The following SH3RF3 variants were observed in gnomAD, a reference collection of about 807,000 sequenced individuals.
SH3RF3 encodes E3 ubiquitin-protein ligase SH3RF3.
Under a neutral mutation model 66.3 loss-of-function variants are expected in SH3RF3, and 29 were observed. The ratio of observed to expected loss-of-function variants is 0.44; its 90% CI spans 0.33 to 0.60. SH3RF3 has a LOEUF of 0.60. Among genes scored for constraint, SH3RF3 ranks in the 20% least tolerant of loss-of-function variants. The pLI is 0.04. For missense variants in SH3RF3, 1,194 were observed against 1,190.9 expected (o/e 1.00, Z -0.04); for synonymous variants, 583 against 532.0 (o/e 1.10, Z -1.32).
intron 9 of SH3RF3, among the ~76,000 whole-genome samples, chr2:109,494,252 G>A (rs1679199341): frequency 6.6e-6 from 1 of 152,198 alleles, no homozygotes; most frequent in Non-Finnish European, 1.5e-5. Context: ...CGTTCTCTGA[G>A]TGTTCCATCT....
Position 109,419,639 on chromosome 2 carries a change from A to G in SH3RF3, c.1400A>G (p.Asn467Ser), listed in dbSNP as rs372314629. ...GTPPKVQLPL[N>S]VYLALYAYKP... ...CCTCCCAAGGTCCAGCTGCCCCTCAACGTGTGAGCTGCCCTTTGTGTCTGT... is the reference window on the plus strand; with the variant it reads ...CCTCCCAAGGTCCAGCTGCCCCTCAGCGTGTGAGCTGCCCTTTGTGTCTGT... Residue 467 changes from asparagine to serine, a missense_variant, in exon 5 of 10, where the codon AAC becomes AGC. Asn to Ser is a conservative substitution (Grantham distance 46). Transcript: ENST00000309415. 2.5e-6 allele frequency: 4 copies of G among 1,574,630 alleles called. No individual in the cohort carries two copies. Among genetic ancestry groups the G allele is most frequent in the Non-Finnish European group, 3.4e-6 (4 of 1,161,936 alleles).
At chr2:109,427,784 C>A (rs574246459) in intron 5 of SH3RF3, among the ~76,000 whole-genome samples, 57 of 152,340 alleles carry the variant, frequency 3.7e-4, no homozygotes, top group South Asian at 1.2e-3. Flanking sequence ...ATCAGAAGGC[C>A]CCAGGGAGAA....
At chr2:109,490,248 G>C (rs1377836460) in intron 8 of SH3RF3, among the ~76,000 whole-genome samples, 1 of 152,208 alleles carries the variant, frequency 6.6e-6, no homozygotes, top group African/African-American at 2.4e-5. Context: ...TCAAAGCAAA[G>C]AGCAGGCATG....
At chr2:109,254,681 C>G (rs1347523799) in intron 1 of SH3RF3, among the ~76,000 whole-genome samples, 2 of 152,160 alleles carry the variant, frequency 1.3e-5, no homozygotes, top group East Asian at 3.9e-4. Context: ...AGCTGTACCC[C>G]CTAATGTTGG....
At chr2:109,371,495 C>A in intron 2 of SH3RF3, 91 bp from the exon 3 acceptor site, 2 of 1,019,816 alleles carry the variant, frequency 2.0e-6, no homozygotes, top group Non-Finnish European at 3.0e-6. Context: ...GAATCTCTTC[C>A]GAGCCTCCAC....
intron 1 of SH3RF3, among the ~76,000 whole-genome samples, chr2:109,152,781 C>G (rs890120452): frequency 6.6e-6 from 1 of 152,160 alleles, no homozygotes; most frequent in African/African-American, 2.4e-5. Context: ...CTCCCAGGCC[C>G]GATGGCCTGA....
intron 5 of SH3RF3, among the ~76,000 whole-genome samples, chr2:109,423,496 A>G (rs1245933848): frequency 6.6e-6 from 1 of 152,200 alleles, no homozygotes; most frequent in African/African-American, 2.4e-5. Context: ...CCATGCCAAC[A>G]CAAGACAGGG....
intron 1 of SH3RF3, among the ~76,000 whole-genome samples, chr2:109,185,878 G>T (rs1199721476): frequency 6.6e-6 from 1 of 152,210 alleles, no homozygotes; most frequent in Admixed American, 6.5e-5. Context: ...CTGTCAAAGG[G>T]GCCAAGTCGG....
At chr2:109,413,528 C>T (rs907795089) in intron 4 of SH3RF3, among the ~76,000 whole-genome samples, 3 of 152,204 alleles carry the variant, frequency 2.0e-5, no homozygotes, top group African/African-American at 7.2e-5. Flanking sequence ...CTACCTCTGT[C>T]TCTCTCTGTG....
chr2:109,376,728 G>A (rs543647124), intron 3 of SH3RF3, among the ~76,000 whole-genome samples: 4 of 152,338 alleles, frequency 2.6e-5, no homozygotes, highest in African/African-American at 7.2e-5. Flanking sequence ...TGTGTTGCTG[G>A]TGTGTGCGTG....
In SH3RF3 at chr2:109,212,314, G is replaced by A. The variant is rs115779130; in HGVS notation, c.573+82201G>A. Among the ~76,000 whole-genome samples, 599 of 152,340 alleles carry A rather than the reference G, an allele frequency of 3.9e-3. 5 individuals are homozygous for A. Among genetic ancestry groups the A allele is most frequent in the African/African-American group, 0.013 (539 of 41,570 alleles). ...TCAGTTGGCTCGCTATGGAGGAGGG[G>A]CAGTTTTCAATTAGAGTCTGACCAT... is the stretch of plus-strand genomic sequence containing the variant. On this transcript the variant is annotated intron_variant, in intron 1 of 9. Coordinates refer to ENST00000309415, the MANE Select transcript of SH3RF3 (RefSeq NM_001099289.3).
intron 1 of SH3RF3, among the ~76,000 whole-genome samples, chr2:109,212,703 A>G (rs1459969251): frequency 6.6e-6 from 1 of 152,096 alleles, no homozygotes; most frequent in East Asian, 1.9e-4. Flanking sequence ...TCACAGAACT[A>G]ATTGTTGTAT....
intron 2 of SH3RF3, among the ~76,000 whole-genome samples, chr2:109,359,494 C>T (rs1047762022): frequency 3.3e-5 from 5 of 152,254 alleles, no homozygotes; most frequent in African/African-American, 2.4e-5. Flanking sequence ...TATTTTGTTA[C>T]ACTTATACTT....
intron 3 of SH3RF3, among the ~76,000 whole-genome samples, chr2:109,386,766 G>A (rs931989427): frequency 6.6e-6 from 1 of 152,180 alleles, no homozygotes; most frequent in African/African-American, 2.4e-5. Flanking sequence ...CAAGGAAGAG[G>A]AAACCTTTGC....
chr2:109,370,199 CTCTG>C (rs1394368286), intron 2 of SH3RF3, among the ~76,000 whole-genome samples: 36 of 144,812 alleles, frequency 2.5e-4, no homozygotes, highest in Admixed American at 4.7e-4. Context: ...TGGTCTCTGT[CTCTG>C]TCTCTGTCTC....
intron 1 of SH3RF3, among the ~76,000 whole-genome samples, chr2:109,212,999 G>A (rs1361728320): frequency 1.3e-5 from 2 of 152,222 alleles, no homozygotes; most frequent in Non-Finnish European, 2.9e-5. Context: ...TGTGCTGAGC[G>A]GTGTGCAGGT....
At chr2:109,290,970 G>A (rs1681154187) in intron 1 of SH3RF3, among the ~76,000 whole-genome samples, 1 of 152,258 alleles carries the variant, frequency 6.6e-6, no homozygotes. Flanking sequence ...AATATGCCGG[G>A]TACATAGTAG....
chr2:109,420,846 C>T (rs1303386088), intron 5 of SH3RF3, among the ~76,000 whole-genome samples: 1 of 152,242 alleles, frequency 6.6e-6, no homozygotes, highest in Non-Finnish European at 1.5e-5. Flanking sequence ...TCACCCACCT[C>T]TAAGCCCAGT....
chr2:109,450,793 CTG>C (rs1166940964), intron 8 of SH3RF3, among the ~76,000 whole-genome samples: 11 of 152,344 alleles, frequency 7.2e-5, no homozygotes, highest in African/African-American at 2.4e-4. Context: ...AGGAGCCACT[CTG>C]TGTATTGGCC....
Sources: allele counts gnomAD v4.1 joint callset (sites outside exome capture counted in the v4.1 genomes callset), GRCh38; gene constraint gnomAD v4.1.1; transcripts MANE v1.5; gene names NCBI Gene and HGNC (gene_info 2026-07-23, HGNC 2026-07-21).